The following MED12L variants were observed in gnomAD, a reference collection of about 807,000 sequenced individuals.
MED12L encodes the protein mediator of RNA polymerase II transcription subunit 12-like protein.
Under a neutral mutation model 281.3 loss-of-function variants are expected in MED12L, and 60 were observed. That is an observed-to-expected ratio of 0.21 (90% CI 0.17 to 0.26). The LOEUF (loss-of-function observed/expected upper bound fraction) is 0.26, where lower values mean the gene tolerates loss of function less well. Among genes scored for constraint, MED12L ranks in the 10% least tolerant of loss-of-function variants. The pLI is 1.00. For synonymous variants in MED12L, 974 were observed against 987.2 expected (o/e 0.99, Z 0.25); for missense variants, 2,146 against 2,680.9 (o/e 0.80, Z 4.41).
chr3:151,104,798 C>T (rs1359118221), intron 2 of MED12L, among the ~76,000 whole-genome samples: 2 of 152,190 alleles, frequency 1.3e-5, no homozygotes, highest in African/African-American at 4.8e-5. Flanking sequence ...CCCTTCTTTG[C>T]CTCCTCCAGC....
intron 16 of MED12L, among the ~76,000 whole-genome samples, chr3:151,237,435 C>T (rs1733133767): frequency 6.8e-6 from 1 of 147,802 alleles, no homozygotes. Flanking sequence ...CTGCAACCTC[C>T]ACCTCCTGGG....
At chr3:151,181,877 C>A (rs1044582986) in intron 11 of MED12L, among the ~76,000 whole-genome samples, 1 of 152,046 alleles carries the variant, frequency 6.6e-6, no homozygotes, top group Non-Finnish European at 1.5e-5. Context: ...AACCACCATG[C>A]CCAGTCTGTC....
chr3:151,165,960 A>G lies in MED12L; in HGVS notation c.1472A>G (p.Asn491Ser). 1.9e-6 allele frequency: 3 copies of G among 1,612,100 alleles called. No individual in the cohort carries two copies. The highest frequency in any genetic ancestry group is 2.5e-6 in the Non-Finnish European group (3 of 1,179,182). The change falls in exon 11 of 45, where the codon AAC becomes AGC. Residue 491 changes from asparagine to serine, a missense_variant. Physicochemically the swap from Asn to Ser is conservative, Grantham distance 46. Around this residue, in one of 9 missense-constraint regions of MED12L, gnomAD observed 722 missense variants for 861.2 expected, o/e 0.84. Coordinates refer to ENST00000687756, the MANE Select transcript of MED12L (RefSeq NM_001393769.1). ...CTTTATCATAAGATTTTCTGGGCAA[A>G]CCAAAACAAAGATAACCAAGAGGTA... ...ETLYHKIFWA[N>S]QNKDNQEVAP...
chr3:151,341,072 T>C (rs1033378935), intron 16 of MED12L, among the ~76,000 whole-genome samples: 2 of 152,174 alleles, frequency 1.3e-5, no homozygotes, highest in Non-Finnish European at 2.9e-5. Context: ...CTGGAGAAGA[T>C]TTTAAGCTTG....
At chr3:151,346,882 A>C (rs1752612648) in intron 16 of MED12L, among the ~76,000 whole-genome samples, 1 of 152,170 alleles carries the variant, frequency 6.6e-6, no homozygotes, top group Non-Finnish European at 1.5e-5. Context: ...TTGCAATTAC[A>C]TGTAAATTCA....
chr3:151,161,659 T>C (rs1386874719), intron 8 of MED12L, among the ~76,000 whole-genome samples: 1 of 152,228 alleles, frequency 6.6e-6, no homozygotes, highest in African/African-American at 2.4e-5. Context: ...AGTCATTTAG[T>C]TCTTGGAACT....
chr3:151,407,133 C>T (rs6778082), intron 39 of MED12L, among the ~76,000 whole-genome samples: 37,923 of 152,086 alleles, frequency 0.25, 4,953 homozygotes, highest in South Asian at 0.38. Context: ...ATGATCTCAA[C>T]TAATATATGT....
intron 39 of MED12L, among the ~76,000 whole-genome samples, chr3:151,400,265 A>G (rs1320826151): frequency 6.6e-6 from 1 of 152,226 alleles, no homozygotes; most frequent in Non-Finnish European, 1.5e-5. Flanking sequence ...CTTTCAGTAT[A>G]TTAAATTATT....
chr3:151,353,752 T>C (rs1753539266), intron 17 of MED12L, among the ~76,000 whole-genome samples: 1 of 152,238 alleles, frequency 6.6e-6, no homozygotes, highest in Non-Finnish European at 1.5e-5. Context: ...TAGAGAAATC[T>C]GTAAAGTAAC....
chr3:151,123,033 A>G (rs1713994180), intron 4 of MED12L, 59 bp downstream of exon 4: 1 of 1,324,238 alleles, frequency 7.6e-7, no homozygotes, highest in Non-Finnish European at 1.0e-6. Flanking sequence ...GTTTGGGATA[A>G]TATTCAAGTA....
rs560619021 is a variant in MED12L, at chr3:151,341,397, A to G, written c.2251-8662A>G. On this transcript the variant is annotated intron_variant, in intron 16 of 44. Transcript: ENST00000687756. ...CTTTTCTTGAATAGAATTTAAATAT[A>G]AACAATTTTTTTTTGTTTCTTTACC... is the stretch of plus-strand genomic sequence containing the variant. Among the ~76,000 whole-genome samples the G allele has an allele frequency of 2.6e-5, 4 of 152,140 alleles. No individual in the cohort carries two copies. In the East Asian group the frequency reaches 7.7e-4, roughly 29 times the overall value.
At chr3:151,266,396 T>C (rs866979390) in intron 16 of MED12L, among the ~76,000 whole-genome samples, 2 of 152,318 alleles carry the variant, frequency 1.3e-5, no homozygotes, top group Middle Eastern at 3.4e-3. Context: ...TACAGTATCA[T>C]CCAGATAGAA....
intron 32 of MED12L, among the ~76,000 whole-genome samples, chr3:151,380,924 G>A (rs780519977): frequency 2.6e-5 from 4 of 152,184 alleles, no homozygotes; most frequent in Non-Finnish European, 5.9e-5. Flanking sequence ...CTTGAAATCT[G>A]TAGGTTCAGA....
At chr3:151,243,339 G>A (rs1577090710) in intron 16 of MED12L, among the ~76,000 whole-genome samples, 1 of 150,754 alleles carries the variant, frequency 6.6e-6, no homozygotes, top group South Asian at 2.1e-4. Flanking sequence ...TTGAAATGAA[G>A]GAAAAAATGT....
chr3:151,260,321 T>G (rs1738621962), intron 16 of MED12L, among the ~76,000 whole-genome samples: 1 of 152,154 alleles, frequency 6.6e-6, no homozygotes, highest in East Asian at 1.9e-4. Flanking sequence ...TTAATCTAGG[T>G]CTACTAATAT....
chr3:151,221,807 G>A (rs367885514), intron 16 of MED12L, among the ~76,000 whole-genome samples: 3 of 152,210 alleles, frequency 2.0e-5, no homozygotes, highest in Admixed American at 6.5e-5. Context: ...TGGGATTGGA[G>A]CCCCCACACA....
intron 39 of MED12L, among the ~76,000 whole-genome samples, chr3:151,402,218 G>A (rs1191573636): frequency 6.6e-6 from 1 of 152,170 alleles, no homozygotes; most frequent in East Asian, 1.9e-4. Flanking sequence ...CCAGAACTCA[G>A]TGAGCTCAGG....
At chr3:151,314,532 A>C (rs1439642343) in intron 16 of MED12L, among the ~76,000 whole-genome samples, 1 of 152,212 alleles carries the variant, frequency 6.6e-6, no homozygotes, top group Non-Finnish European at 1.5e-5. Flanking sequence ...TAATACTTGT[A>C]TTAATGCAAA....
In MED12L at chr3:151,434,920, T is replaced by G. The variant is rs1202657273; in HGVS notation, c.*2116T>G. ...TTTTTTCTTTTTTTAGGTGAGGAAG[T>G]TATGCTACGACTCTAATTAATTCCA... On this transcript the variant is annotated 3_prime_UTR_variant, in exon 45 of 45. Transcript: ENST00000687756. 1 of 152,200 alleles carries G rather than the reference T, an allele frequency of 6.6e-6. No individual in the cohort carries two copies. Among genetic ancestry groups the G allele is most frequent in the Non-Finnish European group, 1.5e-5 (1 of 68,026 alleles). 9.4% of individuals were successfully genotyped at this position (152,200 alleles called of 1,614,324 possible). A position where few individuals can be genotyped will look rare whatever the true frequency, so the allele number is the denominator to read the frequency against.
Sources: allele counts gnomAD v4.1 joint callset (sites outside exome capture counted in the v4.1 genomes callset), GRCh38; gene constraint gnomAD v4.1.1; regional missense constraint gnomAD v4.1.1; transcripts MANE v1.5; gene names NCBI Gene and HGNC (gene_info 2026-07-23, HGNC 2026-07-21).